Variants in IGSF10 observed in about 807,000 individuals in gnomAD.
IGSF10 encodes the protein calvaria mechanical force protein 608.
In IGSF10, 126 loss-of-function variants were observed where a neutral mutation model predicts 128.2. The ratio of observed to expected loss-of-function variants is 0.98; its 90% CI spans 0.85 to 1.14. The LOEUF is 1.14. Ranked by LOEUF, IGSF10 falls within the 50% of genes most tolerant of loss-of-function variation. IGSF10 has a pLI of 0.00. For synonymous variants in IGSF10, 1,185 were observed against 1,146.2 expected (o/e 1.03, Z -0.68); for missense variants, 3,295 against 3,149.8 (o/e 1.05, Z -1.10).
the IGSF10 span, among the ~76,000 whole-genome samples, chr3:151,587,181 T>C: frequency 6.6e-6 from 1 of 152,188 alleles, no homozygotes; most frequent in Non-Finnish European, 1.5e-5. Context: ...GACACCATAG[T>C]TCTTAGAAGA....
chr3:151,445,257 A>G lies in IGSF10; in HGVS notation c.4724T>C (p.Phe1575Ser), dbSNP rs142625475. ...AATTTCTGAGTATGGTTTGTGCCAA[A>G]ATTGGTTTTCTGCCCAGGGAGATGG... ...LTPSPWAENQ[F>S]WHKPYSEIAE... Residue 1575 changes from phenylalanine to serine, a missense_variant, in exon 6 of 8, where the codon TTT becomes TCT. Transcript: ENST00000282466. 1 of 1,614,158 alleles carries G rather than the reference A, an allele frequency of 6.2e-7. No homozygotes were observed. Among genetic ancestry groups the G allele is most frequent in the Non-Finnish European group, 8.5e-7 (1 of 1,180,024 alleles).
Position 151,444,785 on chromosome 3 carries a change from A to T in IGSF10, c.5062+134T>A. On this transcript the variant is annotated intron_variant, in intron 6 of 7. Coordinates refer to ENST00000282466, the MANE Select transcript of IGSF10 (RefSeq NM_178822.5). ...AGTGAAAATATGCCAGTGTCAAATG[A>T]GGATATTAATAGTTTCTTTGTCTTA... 3 of 737,618 alleles carry T rather than the reference A, an allele frequency of 4.1e-6. No individual in the cohort carries two copies. The South Asian group carries it at 6.2e-5, about 15-fold the overall frequency. The allele number at this position is 737,618 out of a possible 1,614,324, so 45.7% of individuals were successfully genotyped here.
At chr3:151,599,760 T>A in the IGSF10 span, among the ~76,000 whole-genome samples, 26 of 152,372 alleles carry the variant, frequency 1.7e-4, no homozygotes, top group South Asian at 4.1e-4. Flanking sequence ...GTATTTTTTT[T>A]AAATATAAAC....
At chr3:151,459,548 T>C (rs1387239416) in intron 2 of IGSF10, among the ~76,000 whole-genome samples, 1 of 152,236 alleles carries the variant, frequency 6.6e-6, no homozygotes, top group Non-Finnish European at 1.5e-5. Flanking sequence ...GCAGGCATGA[T>C]GCTGTCTGCT....
intron 7 of IGSF10, among the ~76,000 whole-genome samples, chr3:151,440,937 G>A (rs1720817188): frequency 6.6e-6 from 1 of 152,164 alleles, no homozygotes; most frequent in South Asian, 2.1e-4. Context: ...TGCTTCAATA[G>A]GTCTCGCCAA....
intron 7 of IGSF10, chr3:151,440,545 AT>A (rs1426587565): frequency 2.2e-6 from 1 of 456,700 alleles, no homozygotes; most frequent in Non-Finnish European, 4.4e-6. Context: ...CAGCTGAAAA[AT>A]TGGTATTTAG....
At chr3:151,599,242 G>T in the IGSF10 span, among the ~76,000 whole-genome samples, 26 of 152,176 alleles carry the variant, frequency 1.7e-4, no homozygotes, top group African/African-American at 6.0e-4. Context: ...AGAGCAAAAA[G>T]TGCCTGTGCG....
the IGSF10 span, among the ~76,000 whole-genome samples, chr3:151,531,896 C>T: frequency 6.6e-6 from 1 of 152,100 alleles, no homozygotes; most frequent in Non-Finnish European, 1.5e-5. Context: ...AACCCAGGAG[C>T]TGGTTTTTTT....
the IGSF10 span, among the ~76,000 whole-genome samples, chr3:151,589,036 T>C: frequency 6.6e-6 from 1 of 152,214 alleles, no homozygotes; most frequent in Non-Finnish European, 1.5e-5. Flanking sequence ...ACAAAACTTT[T>C]CATTAAAACT....
the IGSF10 span, chr3:151,476,272 C>T: frequency 6.6e-6 from 1 of 152,188 alleles, no homozygotes; most frequent in Non-Finnish European, 1.5e-5. Flanking sequence ...TTGACGATTC[C>T]TCACTGTAAG....
the IGSF10 span, among the ~76,000 whole-genome samples, chr3:151,508,775 A>C: frequency 6.6e-6 from 1 of 152,202 alleles, no homozygotes; most frequent in Admixed American, 6.5e-5. Context: ...TTGACATGTT[A>C]AGTTACATGG....
At chr3:151,545,386 G>C in the IGSF10 span, among the ~76,000 whole-genome samples, 8 of 152,194 alleles carry the variant, frequency 5.3e-5, no homozygotes, top group African/African-American at 1.9e-4. Context: ...TTTTTCTCTT[G>C]AGCTGCTCAG....
the IGSF10 span, among the ~76,000 whole-genome samples, chr3:151,597,191 T>C: frequency 6.6e-6 from 1 of 152,166 alleles, no homozygotes; most frequent in African/African-American, 2.4e-5. Flanking sequence ...AGAGCATGCA[T>C]CTTTAGGCAC....
Position 151,436,757 on chromosome 3 carries a change from T to A in IGSF10, c.7804A>T (p.Ile2602Leu). ...GGGTTCTTTGCTGTGCATTTGTATA[T>A]CCCAGAATCGGAGGTTTGGGGATTC... The part of the protein sequence containing the change: ...IQNPQTSDSG[I>L]YKCTAKNPLG... Residue 2602 changes from isoleucine to leucine, a missense_variant, in exon 8 of 8, where the codon ATA becomes TTA. Transcript: ENST00000282466. 1 of 1,614,144 alleles carries A rather than the reference T, an allele frequency of 6.2e-7. No individual in the cohort carries two copies. The highest frequency in any genetic ancestry group is 8.5e-7 in the Non-Finnish European group (1 of 1,180,002).
chr3:151,453,807 G>T, intron 4 of IGSF10, 33 bp from the exon 5 acceptor site: 1 of 1,340,558 alleles, frequency 7.5e-7, no homozygotes, highest in Non-Finnish European at 1.0e-6. Context: ...TATTTATGTT[G>T]TCAAAGGAAT....
downstream of IGSF10, chr3:151,433,151 G>T: frequency 1.7e-5 from 3 of 180,364 alleles, no homozygotes; most frequent in Non-Finnish European, 3.5e-5. Context: ...AGGTATTTAT[G>T]TATTTCATTC....
the IGSF10 span, among the ~76,000 whole-genome samples, chr3:151,542,299 A>G: frequency 4.9e-3 from 744 of 152,298 alleles, 4 homozygotes; most frequent in South Asian, 8.1e-3. Flanking sequence ...TAAGACACAT[A>G]TAGTAATTTT....
chr3:151,602,508 A>G, the IGSF10 span, among the ~76,000 whole-genome samples: 29 of 152,304 alleles, frequency 1.9e-4, no homozygotes, highest in Admixed American at 5.9e-4. Context: ...TTAAATTTTC[A>G]GTAAGAGATT....
the IGSF10 span, among the ~76,000 whole-genome samples, chr3:151,498,487 G>A: frequency 2.0e-5 from 3 of 152,072 alleles, no homozygotes; most frequent in East Asian, 5.8e-4. Context: ...TTCATCCCTG[G>A]GATGCAAGGC....
Sources: allele counts gnomAD v4.1 joint callset (sites outside exome capture counted in the v4.1 genomes callset), GRCh38; gene constraint gnomAD v4.1.1; transcripts MANE v1.5; gene names NCBI Gene and HGNC (gene_info 2026-07-23, HGNC 2026-07-21).